Variants in EBF1 observed in about 807,000 individuals in gnomAD.
EBF1 encodes transcription factor COE1.
A neutral mutation model predicts 68.4 loss-of-function variants in EBF1; 10 were observed. That is an observed-to-expected ratio of 0.15 (90% confidence interval 0.09 to 0.25). The LOEUF (loss-of-function observed/expected upper bound fraction) is 0.25. EBF1 is among the 10% of genes least tolerant of loss of function. The pLI is 1.00. For missense variants in EBF1, 509 were observed against 794.4 expected, an observed-to-expected ratio of 0.64 and a Z score of 4.32; for synonymous variants, 298 against 299.8, an observed-to-expected ratio of 0.99 and a Z score of 0.06.
In EBF1 at chr5:158,712,157, C is replaced by T. The variant is rs748539172; in HGVS notation, c.1546G>A (p.Ala516Thr). 1.9e-6 allele frequency: 3 copies of T among 1,613,530 alleles called. No homozygotes were observed. The East Asian group carries it at 6.7e-5, about 36-fold the overall frequency. ...LNGSAANSPY[A>T]IVPSSPTMAS... ...CAGGATATGCATCTCTACTTACTGG[C>T]ATAGGGGGAGTTGGCAGCTGAGCCG... is the stretch of plus-strand genomic sequence containing the variant. Residue 516 changes from alanine to threonine, a missense_variant, in exon 14 of 16, where the codon GCC becomes ACC. Coordinates refer to ENST00000313708, the MANE Select transcript of EBF1 (RefSeq NM_024007.5).
At chr5:158,815,752 G>A (rs777122490) in intron 8 of EBF1, among the ~76,000 whole-genome samples, 1 of 152,104 alleles carries the variant, frequency 6.6e-6, no homozygotes, top group South Asian at 2.1e-4. Context: ...TAGGATTTCC[G>A]GTGTTACCTG....
rs544462093 is a variant in EBF1 at position 158,746,266 on chromosome 5, C to T, written c.1037-15109G>A. On this transcript the variant is annotated intron_variant, in intron 10 of 15. Transcript: ENST00000313708. ...AATAAAAGTGACAATTGGTTAAATTCTTAATAACAGCAACTTTAATGGAGA... is the reference window on the plus strand; with the variant it reads ...AATAAAAGTGACAATTGGTTAAATTTTTAATAACAGCAACTTTAATGGAGA... Among the ~76,000 whole-genome samples the T allele has an allele frequency of 3.9e-5, 6 of 152,224 alleles. No individual in the cohort carries two copies. The South Asian group carries it at 1.2e-3, about 32-fold the overall frequency.
chr5:158,890,706 T>C (rs1384577935), intron 6 of EBF1, among the ~76,000 whole-genome samples: 2 of 152,218 alleles, frequency 1.3e-5, no homozygotes, highest in Admixed American at 1.3e-4. Flanking sequence ...CTGCTAAGCC[T>C]GGTATCAAAT....
At chr5:158,808,162 A>T (rs1781950679) in intron 8 of EBF1, among the ~76,000 whole-genome samples, 1 of 152,084 alleles carries the variant, frequency 6.6e-6, no homozygotes, top group Non-Finnish European at 1.5e-5. Flanking sequence ...TGTATCATTG[A>T]CTTTGCCCAC....
chr5:159,069,381 A>T (rs368161287), intron 6 of EBF1, among the ~76,000 whole-genome samples: 1 of 152,090 alleles, frequency 6.6e-6, no homozygotes, highest in Non-Finnish European at 1.5e-5. Context: ...CCCCACTGCA[A>T]ATAAGCAACA....
intron 6 of EBF1, among the ~76,000 whole-genome samples, chr5:159,006,364 C>G (rs1429629471): frequency 6.6e-6 from 1 of 151,940 alleles, no homozygotes; most frequent in East Asian, 1.9e-4. Flanking sequence ...CACCCTTATC[C>G]CAGAGTGGTG....
At chr5:159,059,733 G>T (rs898114526) in intron 6 of EBF1, among the ~76,000 whole-genome samples, 1 of 152,162 alleles carries the variant, frequency 6.6e-6, no homozygotes, top group Non-Finnish European at 1.5e-5. Context: ...GTAATGAAAA[G>T]GGTCTTAGAA....
chr5:158,705,946 A>G (rs1242151438), intron 15 of EBF1, among the ~76,000 whole-genome samples: 1 of 152,236 alleles, frequency 6.6e-6, no homozygotes, highest in African/African-American at 2.4e-5. Flanking sequence ...AAGGGCTGAG[A>G]TTGGCAGCTC....
chr5:158,868,566 G>A (rs986116893), intron 6 of EBF1, among the ~76,000 whole-genome samples: 1 of 152,166 alleles, frequency 6.6e-6, no homozygotes, highest in African/African-American at 2.4e-5. Flanking sequence ...TGAAGAAAGG[G>A]CAGTGCTTTT....
Position 159,095,506 on chromosome 5 carries a change from C to T in EBF1, c.411+114G>A, listed in dbSNP as rs1304139757. 9.5e-6 allele frequency: 12 copies of T among 1,259,556 alleles called. No individual in the cohort carries two copies. In the African/African-American group the frequency reaches 1.2e-4, roughly 12 times the overall value. The allele number at this position is 1,259,556 out of a possible 1,614,324, so 78.0% of individuals were successfully genotyped here. A position where few individuals can be genotyped will look rare whatever the true frequency, so the allele number is the denominator to read the frequency against. ...CGTGCAAGTTTGGTCTGAGCCGCCC[C>T]CGCTGGCTTTTAGAGTTAGAGTCCC... On this transcript the variant is annotated intron_variant, in intron 4 of 15. Transcript: ENST00000313708.
At chr5:158,867,028 C>T (rs1356679244) in intron 6 of EBF1, among the ~76,000 whole-genome samples, 1 of 151,504 alleles carries the variant, frequency 6.6e-6, no homozygotes. Flanking sequence ...GTGCAATATC[C>T]CCTGTACTTT....
intron 6 of EBF1, among the ~76,000 whole-genome samples, chr5:159,043,241 G>GA (rs1771617965): frequency 1.3e-5 from 2 of 152,122 alleles, no homozygotes; most frequent in Non-Finnish European, 2.9e-5. Flanking sequence ...ACTCCAGCAT[G>GA]TATGTTTGGA....
chr5:158,994,467 A>G (rs572262994), intron 6 of EBF1, among the ~76,000 whole-genome samples: 1 of 152,364 alleles, frequency 6.6e-6, no homozygotes, highest in African/African-American at 2.4e-5. Flanking sequence ...TGAAAACACA[A>G]CATAAGCAAG....
At chr5:158,912,078 G>A (rs1404106594) in intron 6 of EBF1, among the ~76,000 whole-genome samples, 3 of 152,158 alleles carry the variant, frequency 2.0e-5, no homozygotes, top group Admixed American at 1.3e-4. Context: ...AACATTCACA[G>A]AATGACCTAG....
intron 6 of EBF1, among the ~76,000 whole-genome samples, chr5:158,846,000 T>C (rs555917019): frequency 6.6e-6 from 1 of 152,344 alleles, no homozygotes; most frequent in Non-Finnish European, 1.5e-5. Flanking sequence ...GCTGCTCTCA[T>C]AATGTCCATG....
chr5:158,972,264 C>T (rs1180027115), intron 6 of EBF1, among the ~76,000 whole-genome samples: 2 of 152,162 alleles, frequency 1.3e-5, no homozygotes, highest in African/African-American at 4.8e-5. Context: ...TCACTCAGCC[C>T]TCAGCTGACT....
rs1755994480 is a variant in EBF1, at chr5:158,697,880, A to G, written c.*1231T>C. The stretch of plus-strand genomic sequence containing the variant: ...GCTATTAATTCTTATTTTTAAGAAC[A>G]CTTCCCAGATAATGAGAGCAAAAAT... On this transcript the variant is annotated 3_prime_UTR_variant, in exon 16 of 16. Coordinates refer to ENST00000313708, the MANE Select transcript of EBF1 (RefSeq NM_024007.5). 1 of 207,650 alleles carries G rather than the reference A, an allele frequency of 4.8e-6. No homozygotes were observed. Among genetic ancestry groups the G allele is most frequent in the East Asian group, 7.3e-5 (1 of 13,712 alleles). The allele number at this position is 207,650 out of a possible 1,614,324, so 12.9% of individuals were successfully genotyped here. A position where few individuals can be genotyped will look rare whatever the true frequency, so the allele number is the denominator to read the frequency against.
chr5:158,720,445 T>C (rs1581296729), intron 11 of EBF1, among the ~76,000 whole-genome samples: 1 of 152,152 alleles, frequency 6.6e-6, no homozygotes, highest in African/African-American at 2.4e-5. Flanking sequence ...TTCAGCCAAA[T>C]GGAAAATTCC....
At chr5:158,953,133 G>A (rs1170151923) in intron 6 of EBF1, among the ~76,000 whole-genome samples, 1 of 152,098 alleles carries the variant, frequency 6.6e-6, no homozygotes, top group Non-Finnish European at 1.5e-5. Context: ...GCACATCTGG[G>A]ATCAGTTGAC....
Sources: allele counts gnomAD v4.1 joint callset (sites outside exome capture counted in the v4.1 genomes callset), GRCh38; gene constraint gnomAD v4.1.1; transcripts MANE v1.5; gene names NCBI Gene and HGNC (gene_info 2026-07-23, HGNC 2026-07-21).